Variants in ZNF565 observed in about 807,000 individuals in gnomAD.
The protein encoded by ZNF565 is zinc finger protein 565.
A neutral mutation model predicts 39.4 loss-of-function variants in ZNF565; 27 were observed. The ratio of observed to expected loss-of-function variants is 0.69; its 90% CI spans 0.51 to 0.95. The LOEUF is 0.95. Among genes scored for constraint, ZNF565 ranks in the 40% least tolerant of loss-of-function variants. The pLI is 0.00. For synonymous variants in ZNF565, 185 were observed against 216.6 expected (o/e 0.85, Z 1.28); for missense variants, 524 against 621.1 (o/e 0.84, Z 1.66).
chr19:36,201,157 C>T (rs1975949475), intron 2 of ZNF565, among the ~76,000 whole-genome samples: 1 of 152,008 alleles, frequency 6.6e-6, no homozygotes, highest in African/African-American at 2.4e-5. Context: ...AAAAAATTAG[C>T]TGGTAGTGGT....
chr19:36,236,158 C>G (rs1174832516), intron 1 of ZNF565: 1 of 344,470 alleles, frequency 2.9e-6, no homozygotes, highest in African/African-American at 2.1e-5. Flanking sequence ...AGATGACAAT[C>G]TCATTGAGAA....
chr19:36,195,150 C>G lies in ZNF565; in HGVS notation c.16G>C (p.Val6Leu). The change falls in exon 3 of 5, where the codon GTG becomes CTG. Residue 6 changes from valine (V) to leucine (L), a missense_variant. Physicochemically the swap from Val to Leu is conservative, Grantham distance 32 (BLOSUM62 1). Transcript: ENST00000304116. MAQGLVTFRDVAIEFS... is the reference protein window; with the variant it reads MAQGLLTFRDVAIEFS... Reference sequence around the variant, plus strand: ...TCTATGGCCACGTCCCTGAATGTCACCAGTCCCTGAAACAATAAACCCACG... The same window carrying G: ...TCTATGGCCACGTCCCTGAATGTCAGCAGTCCCTGAAACAATAAACCCACG... The G allele has an allele frequency of 1.9e-6, 3 of 1,613,690 alleles. No homozygotes were observed. The South Asian group carries it at 3.3e-5, about 18-fold the overall frequency.
In ZNF565 at chr19:36,187,292, G is replaced by A. The variant is rs921955120; in HGVS notation, c.233-3559C>T. ...AATTCCATTCAGCAGGAAGATTTAT[G>A]TTTCTAAAGTTATATACACCTAATA... On this transcript the variant is annotated intron_variant, in intron 4 of 4. Transcript: ENST00000304116. Among the ~76,000 whole-genome samples the A allele has an allele frequency of 1.9e-3, 290 of 151,848 alleles. 1 individual carries two copies. The highest frequency in any genetic ancestry group is 6.8e-3 in the African/African-American group (281 of 41,426).
intron 1 of ZNF565, among the ~76,000 whole-genome samples, chr19:36,210,994 A>G (rs1314717968): frequency 6.6e-6 from 1 of 150,550 alleles, no homozygotes; most frequent in Non-Finnish European, 1.5e-5. Context: ...ATGTGTGATA[A>G]TTTGAGCAAA....
intron 1 of ZNF565, among the ~76,000 whole-genome samples, chr19:36,226,096 C>T (rs1239629716): frequency 6.6e-6 from 1 of 152,174 alleles, no homozygotes; most frequent in East Asian, 1.9e-4. Context: ...CCTGTGTCTT[C>T]AGCAGCAGTA....
At position 36,197,759 on chromosome 19, in the gene ZNF565, C is replaced by A. The variant is rs529962574; in HGVS notation, c.10-2603G>T. Among the ~76,000 whole-genome samples the A allele has an allele frequency of 1.9e-3, 284 of 152,234 alleles. 1 individual carries two copies. Among genetic ancestry groups the A allele is most frequent in the Non-Finnish European group, 3.5e-3 (241 of 68,016 alleles). On this transcript the variant is annotated intron_variant, in intron 2 of 4. Coordinates refer to ENST00000304116, the MANE Select transcript of ZNF565 (RefSeq NM_152477.5). ...TGTTGGGAATGTAAATCAGTAAAAT[C>A]ACTATGCAGAACAACTTGGAGGTTC...
intron 2 of ZNF565, among the ~76,000 whole-genome samples, chr19:36,197,042 T>G (rs1599927751): frequency 3.6e-5 from 5 of 137,784 alleles, no homozygotes; most frequent in South Asian, 4.6e-4. Flanking sequence ...GCAACAAGAG[T>G]GAAACTCTGT....
chr19:36,243,541 T>C (rs1977832888), intron 1 of ZNF565, among the ~76,000 whole-genome samples: 1 of 152,050 alleles, frequency 6.6e-6, no homozygotes, highest in Admixed American at 6.6e-5. Context: ...ACGATGACCA[T>C]ATGTTTGCTG....
At chr19:36,189,937 G>T (rs1490605456) in intron 4 of ZNF565, among the ~76,000 whole-genome samples, 4 of 151,816 alleles carry the variant, frequency 2.6e-5, no homozygotes, top group South Asian at 2.1e-4. Context: ...GGGTTCAAGC[G>T]ATTCTCTTGT....
rs368382677 is a variant in ZNF565, at chr19:36,182,593, C to A, written c.1373G>T (p.Arg458Leu). ...ECRECGMAFI[R>L]SSQLTEHQRI... Reference sequence around the variant, plus strand: ...CTGATGTTCGGTAAGTTGTGAACTACGAATAAAGGCCATTCCACACTCCCT... The same window carrying A: ...CTGATGTTCGGTAAGTTGTGAACTAAGAATAAAGGCCATTCCACACTCCCT... The change falls in exon 5 of 5, where the codon CGT becomes CTT. Residue 458 changes from arginine (R) to leucine (L), a missense_variant. By Grantham distance (102) the Arg-to-Leu change is moderately radical. Transcript: ENST00000304116. 3 of 1,613,978 alleles carry A rather than the reference C, an allele frequency of 1.9e-6. No homozygotes were observed. Among genetic ancestry groups the A allele is most frequent in the Non-Finnish European group, 2.5e-6 (3 of 1,179,990 alleles).
chr19:36,189,881 A>T (rs1215787633), intron 4 of ZNF565, among the ~76,000 whole-genome samples: 2 of 151,688 alleles, frequency 1.3e-5, no homozygotes, highest in Non-Finnish European at 2.9e-5. Flanking sequence ...CAAGGCTGGA[A>T]TAAAGATGCG....
upstream of ZNF565, among the ~76,000 whole-genome samples, chr19:36,218,807 CT>C (rs201752963): frequency 7.4e-3 from 1,035 of 139,800 alleles, 8 homozygotes; most frequent in African/African-American, 0.025. Flanking sequence ...TTAAAATTTT[CT>C]TTTTTTTTGG....
intron 2 of ZNF565, among the ~76,000 whole-genome samples, chr19:36,197,337 T>C (rs944380451): frequency 6.6e-6 from 1 of 151,120 alleles, no homozygotes; most frequent in Admixed American, 6.6e-5. Context: ...CTGGGCATGA[T>C]GGTGCGTGCC....
Position 36,237,328 on chromosome 19 carries a change from T to G in ZNF565, c.55+8148A>C. 5 of 1,571,230 alleles carry G rather than the reference T, an allele frequency of 3.2e-6. No homozygotes were observed. The African/African-American group carries it at 6.8e-5, about 22-fold the overall frequency. On this transcript the variant is annotated intron_variant, in intron 1 of 4. Coordinates refer to the ZNF565 transcript ENST00000355114. The stretch of plus-strand genomic sequence containing the variant: ...AAATTCATACTCACTAAAAACCCCA[T>G]GAAAGCCTTGAAAGTGGGAAAGCTT...
intron 1 of ZNF565, among the ~76,000 whole-genome samples, chr19:36,221,054 T>C (rs915350865): frequency 1.6e-4 from 24 of 151,606 alleles, no homozygotes. Context: ...CGTTTCACCA[T>C]GTTGGCCAGG....
At chr19:36,193,280 G>T (rs1975631506) in intron 4 of ZNF565, among the ~76,000 whole-genome samples, 1 of 151,760 alleles carries the variant, frequency 6.6e-6, no homozygotes, top group Non-Finnish European at 1.5e-5. Context: ...ACCACGTCTG[G>T]CCAATTTTTG....
chr19:36,219,862 G>A (rs1006214186), intron 1 of ZNF565, among the ~76,000 whole-genome samples: 5 of 152,164 alleles, frequency 3.3e-5, no homozygotes, highest in South Asian at 2.1e-4. Flanking sequence ...TGGAAGTATA[G>A]TCTTAATTTC....
intron 1 of ZNF565, among the ~76,000 whole-genome samples, chr19:36,213,689 ATTTTTT>A (rs34943234): frequency 2.3e-5 from 3 of 133,288 alleles, no homozygotes; most frequent in African/African-American, 8.7e-5. Flanking sequence ...CCAGCCATTA[ATTTTTT>A]TTTTTTTTTT....
intron 1 of ZNF565, among the ~76,000 whole-genome samples, chr19:36,203,032 C>T (rs1363123496): frequency 1.3e-5 from 2 of 152,000 alleles, no homozygotes; most frequent in Non-Finnish European, 2.9e-5. Context: ...CTACTGCTTT[C>T]ATTCTTTTTT....
Sources: allele counts gnomAD v4.1 joint callset (sites outside exome capture counted in the v4.1 genomes callset), GRCh38; gene constraint gnomAD v4.1.1; transcripts MANE v1.5; gene names NCBI Gene and HGNC (gene_info 2026-07-23, HGNC 2026-07-21).